The following SH3RF3 variants were observed in gnomAD, a reference collection of about 807,000 sequenced individuals.
SH3RF3 encodes the protein SH3 domain containing ring finger 3.
Under a neutral mutation model 66.3 loss-of-function variants are expected in SH3RF3, and 29 were observed. The observed-to-expected ratio is 0.44, with a 90% CI of 0.33 to 0.60. The LOEUF (loss-of-function observed/expected upper bound fraction) is 0.60. Ranked by LOEUF, SH3RF3 falls within the 20% of genes least tolerant of loss-of-function variation. SH3RF3 has a pLI of 0.04. For missense variants in SH3RF3, 1,194 were observed against 1,190.9 expected (o/e 1.00, Z -0.04); for synonymous variants, 583 against 532.0 (o/e 1.10, Z -1.32).
rs188232632 is a variant in SH3RF3, at chr2:109,423,313, G to A, written c.1403+3671G>A. On this transcript the variant is annotated intron_variant, in intron 5 of 9. Coordinates refer to ENST00000309415, the MANE Select transcript of SH3RF3 (RefSeq NM_001099289.3). ...GGATCTGGTGGTTGACACTGGTCAT[G>A]TGAGACGTGCTCTCTGTCATGGCAG... Among the ~76,000 whole-genome samples the A allele has an allele frequency of 1.9e-3, 292 of 152,308 alleles. 1 individual carries two copies. Among genetic ancestry groups the A allele is most frequent in the African/African-American group, 6.7e-3 (279 of 41,568 alleles).
chr2:109,402,977 A>G (rs910344796), intron 4 of SH3RF3, among the ~76,000 whole-genome samples: 7 of 152,072 alleles, frequency 4.6e-5, no homozygotes, highest in African/African-American at 1.7e-4. Context: ...CAACGCATCG[A>G]CTGCAGTTGA....
chr2:109,464,259 C>T (rs1355335903), intron 8 of SH3RF3, among the ~76,000 whole-genome samples: 7 of 152,222 alleles, frequency 4.6e-5, no homozygotes, highest in Admixed American at 4.6e-4. Context: ...CACAGATACA[C>T]ATCCACACAC....
intron 1 of SH3RF3, among the ~76,000 whole-genome samples, chr2:109,327,658 A>G (rs1016952912): frequency 6.6e-6 from 1 of 152,244 alleles, no homozygotes; most frequent in Non-Finnish European, 1.5e-5. Context: ...TTTTAGTAAA[A>G]TTGCATAATA....
chr2:109,291,348 G>C (rs1201715439), intron 1 of SH3RF3, among the ~76,000 whole-genome samples: 5 of 149,034 alleles, frequency 3.4e-5, no homozygotes, highest in East Asian at 2.0e-4. Flanking sequence ...ACATGCAGCT[G>C]CCTCTATTGC....
At chr2:109,347,609 C>A (rs966316293) in intron 1 of SH3RF3, 65 bp from the exon 2 acceptor site, 9 of 1,564,430 alleles carry the variant, frequency 5.8e-6, no homozygotes, top group African/African-American at 5.4e-5. Flanking sequence ...CCTGCCCCGG[C>A]AGATCCACTG....
intron 8 of SH3RF3, among the ~76,000 whole-genome samples, chr2:109,474,415 G>A (rs549216471): frequency 7.2e-5 from 11 of 152,282 alleles, no homozygotes; most frequent in Admixed American, 5.2e-4. Context: ...CAGAGAAGGA[G>A]GGGCTGTTTC....
chr2:109,363,168 G>T (rs1041118365), intron 2 of SH3RF3, among the ~76,000 whole-genome samples: 3 of 151,618 alleles, frequency 2.0e-5, no homozygotes. Flanking sequence ...GGTCTTTTGT[G>T]GTTTTTATTG....
At chr2:109,500,498 G>A (rs1228993940) in intron 9 of SH3RF3, among the ~76,000 whole-genome samples, 1 of 152,276 alleles carries the variant, frequency 6.6e-6, no homozygotes. Context: ...CTGAAGACAG[G>A]GACTCCAAAG....
At chr2:109,140,525 C>T (rs1676922254) in intron 1 of SH3RF3, among the ~76,000 whole-genome samples, 6 of 151,992 alleles carry the variant, frequency 3.9e-5, no homozygotes, top group South Asian at 4.1e-4. Context: ...GGACTACAGG[C>T]GCCCACCACC....
In SH3RF3 at chr2:109,129,511, C is replaced by T. The variant is rs760923245; in HGVS notation, c.-30C>T. ...CACGCCGGCCCCGGGACCTAGGCAG[C>T]CGCGCGAGACCGCTGCGGGCGCCTC... On this transcript the variant is annotated 5_prime_UTR_variant, in exon 1 of 10. Coordinates refer to ENST00000309415, the MANE Select transcript of SH3RF3 (RefSeq NM_001099289.3). 6.7e-7 allele frequency: 1 copy of T among 1,494,704 alleles called. No homozygotes were observed. Among genetic ancestry groups the T allele is most frequent in the South Asian group, 1.2e-5 (1 of 80,300 alleles). 92.6% of individuals were successfully genotyped at this position (1,494,704 alleles called of 1,614,324 possible). A position where few individuals can be genotyped will look rare whatever the true frequency, so the allele number is the denominator to read the frequency against.
chr2:109,168,251 C>G (rs914754708), intron 1 of SH3RF3, among the ~76,000 whole-genome samples: 1 of 152,216 alleles, frequency 6.6e-6, no homozygotes, highest in African/African-American at 2.4e-5. Context: ...TATACATTTT[C>G]ACCACCTGAT....
At chr2:109,216,369 A>G (rs560253832) in intron 1 of SH3RF3, among the ~76,000 whole-genome samples, 1 of 152,208 alleles carries the variant, frequency 6.6e-6, no homozygotes, top group Non-Finnish European at 1.5e-5. Context: ...CATATCATTT[A>G]TTTAGCTCCA....
At chr2:109,472,794 G>A (rs1573280982) in intron 8 of SH3RF3, among the ~76,000 whole-genome samples, 1 of 152,162 alleles carries the variant, frequency 6.6e-6, no homozygotes, top group African/African-American at 2.4e-5. Context: ...CAGAAAGCCA[G>A]CCAGACGCCC....
intron 1 of SH3RF3, among the ~76,000 whole-genome samples, chr2:109,311,566 G>T (rs1448215670): frequency 6.6e-6 from 1 of 152,186 alleles, no homozygotes; most frequent in Non-Finnish European, 1.5e-5. Context: ...CCTGTTTGCA[G>T]ACGACATGAT....
intron 1 of SH3RF3, among the ~76,000 whole-genome samples, chr2:109,226,105 C>T (rs1451181197): frequency 6.6e-6 from 1 of 152,196 alleles, no homozygotes; most frequent in African/African-American, 2.4e-5. Context: ...GGCTAAATCA[C>T]TTGTTAATTT....
intron 1 of SH3RF3, among the ~76,000 whole-genome samples, chr2:109,255,265 T>A (rs1356095252): frequency 6.6e-6 from 1 of 152,200 alleles, no homozygotes; most frequent in East Asian, 1.9e-4. Context: ...TCCCAGTGAA[T>A]GGGTCACACT....
chr2:109,281,974 G>A (rs1355973930), intron 1 of SH3RF3, among the ~76,000 whole-genome samples: 3 of 152,114 alleles, frequency 2.0e-5, no homozygotes, highest in Non-Finnish European at 1.5e-5. Flanking sequence ...CAATGGCCGA[G>A]CGCTGGGCCA....
intron 1 of SH3RF3, among the ~76,000 whole-genome samples, chr2:109,326,070 G>A (rs759661591): frequency 3.3e-5 from 5 of 152,334 alleles, no homozygotes; most frequent in East Asian, 1.9e-4. Context: ...TATCCTGGGC[G>A]TATGCCACAT....
chr2:109,226,344 G>T (rs1433629674), intron 1 of SH3RF3, among the ~76,000 whole-genome samples: 1 of 152,112 alleles, frequency 6.6e-6, no homozygotes, highest in African/African-American at 2.4e-5. Context: ...CAAAGCTAAA[G>T]TCACATTGAC....
Sources: gnomAD v4.1 joint callset for allele counts (sites outside exome capture counted in the v4.1 genomes callset) on GRCh38, gnomAD v4.1.1 for gene constraint, MANE v1.5 for transcripts, NCBI Gene and HGNC (gene_info 2026-07-23, HGNC 2026-07-21) for gene names.